Variants in PCDHA8 observed in about 807,000 individuals in gnomAD.
PCDHA8 encodes the protein protocadherin alpha-8.
In PCDHA8, 53 loss-of-function variants were observed where a neutral mutation model predicts 61.8. That is an observed-to-expected ratio of 0.86 (90% CI 0.69 to 1.08). PCDHA8 has a LOEUF of 1.08. Among genes scored for constraint, PCDHA8 ranks in the 50% least tolerant of loss-of-function variants. The pLI, the probability that PCDHA8 is intolerant of heterozygous loss-of-function variation, is 0.00. For missense variants in PCDHA8, 1,293 were observed against 1,245.0 expected, an observed-to-expected ratio of 1.04 and a Z score of -0.58; for synonymous variants, 618 against 556.6, an observed-to-expected ratio of 1.11 and a Z score of -1.55.
rs1470654104 is a variant in PCDHA8 at position 140,841,829 on chromosome 5, T to C, written c.508T>C (p.Tyr170His). 1.9e-6 allele frequency: 3 copies of C among 1,613,780 alleles called. No individual in the cohort carries two copies. Among genetic ancestry groups the C allele is most frequent in the Non-Finnish European group, 2.5e-6 (3 of 1,179,850 alleles). Residue 170 changes from tyrosine (Y) to histidine (H), a missense_variant, in exon 1 of 4, where the codon TAC (tyrosine) becomes CAC (histidine). Physicochemically the swap from Tyr to His is moderately conservative, Grantham distance 83 (BLOSUM62 2). Transcript: ENST00000531613. ...TGTTGGAGCTAACTCCGTGTTAACC[T>C]ACAGGCTTAGCTCTCATGATTACTT... The part of the protein sequence containing the change: ...ADVGANSVLT[Y>H]RLSSHDYFML...
chr5:140,841,831 C>A lies in PCDHA8; in HGVS notation c.510C>A (p.Tyr170Ter). ...TTGGAGCTAACTCCGTGTTAACCTA[C>A]AGGCTTAGCTCTCATGATTACTTCA... ...ADVGANSVLT[Y>*]RLSSHDYFML... Residue 170 changes from tyrosine to a stop codon, truncating the protein, a stop_gained, in exon 1 of 4, where the codon TAC (tyrosine) becomes TAA (stop). Transcript: ENST00000531613. LOFTEE classifies it high-confidence loss of function. 1 of 1,613,930 alleles carries A rather than the reference C, an allele frequency of 6.2e-7. No individual in the cohort carries two copies. Among genetic ancestry groups the A allele is most frequent in the Non-Finnish European group, 8.5e-7 (1 of 1,179,866 alleles).
At chr5:140,987,451 T>G (rs1481665271) in intron 3 of PCDHA8, among the ~76,000 whole-genome samples, 2 of 152,108 alleles carry the variant, frequency 1.3e-5, no homozygotes, top group African/African-American at 4.8e-5. Flanking sequence ...GCCCGAGAGA[T>G]AATTGTTAAG....
Position 140,968,978 on chromosome 5 carries a change from G to T in PCDHA8, c.2395-9971G>T, listed in dbSNP as rs782147151. ...CAAGTGCTACCGCTACACTGCGTATGGCACTGCATGCTGTGGAGGCTTCTG... is the reference window on the plus strand; with the variant it reads ...CAAGTGCTACCGCTACACTGCGTATTGCACTGCATGCTGTGGAGGCTTCTG... On this transcript the variant is annotated intron_variant, in intron 1 of 3. Coordinates refer to ENST00000531613, the MANE Select transcript of PCDHA8 (RefSeq NM_018911.3). The T allele has an allele frequency of 8.7e-6, 14 of 1,614,212 alleles. No homozygotes were observed. Among genetic ancestry groups the T allele is most frequent in the Non-Finnish European group, 1.2e-5 (14 of 1,180,042 alleles).
At position 140,877,725 on chromosome 5, in the gene PCDHA8, G is replaced by T. The variant is rs570815670; in HGVS notation, c.2394+34010G>T. On this transcript the variant is annotated intron_variant, in intron 1 of 3. Coordinates refer to ENST00000531613, the MANE Select transcript of PCDHA8 (RefSeq NM_018911.3). Reference sequence around the variant, plus strand: ...GCGCCGTGGGGAGTTGGTCTTACTCGCAGCAGAGGAGGCAGAGGGTGTGCT... The same window carrying T: ...GCGCCGTGGGGAGTTGGTCTTACTCTCAGCAGAGGAGGCAGAGGGTGTGCT... 5.6e-6 allele frequency: 9 copies of T among 1,614,124 alleles called. No individual in the cohort carries two copies. The South Asian group carries it at 8.8e-5, about 16-fold the overall frequency.
At chr5:140,877,745 T>C (rs1554170071) in intron 1 of PCDHA8, 3 of 1,614,108 alleles carry the variant, frequency 1.9e-6, no homozygotes, top group Non-Finnish European at 2.5e-6. Context: ...AGGCAGAGGG[T>C]GTGCTCTGCA....
At chr5:140,907,093 C>A (rs1303875069) in intron 1 of PCDHA8, among the ~76,000 whole-genome samples, 2 of 152,090 alleles carry the variant, frequency 1.3e-5, no homozygotes, top group Non-Finnish European at 2.9e-5. Flanking sequence ...GTAAGTGGTG[C>A]CACTTCCACT....
intron 1 of PCDHA8, among the ~76,000 whole-genome samples, chr5:140,890,167 A>G (rs1423577741): frequency 6.6e-6 from 1 of 152,174 alleles, no homozygotes; most frequent in East Asian, 1.9e-4. Context: ...CTGCCACAGA[A>G]ATAGGCAAAT....
intron 1 of PCDHA8, among the ~76,000 whole-genome samples, chr5:140,936,534 T>C (rs1327354780): frequency 1.3e-5 from 2 of 152,230 alleles, no homozygotes; most frequent in African/African-American, 2.4e-5. Context: ...TGCTTTTGAA[T>C]ATAGTGCAAT....
At chr5:140,867,166 G>T (rs773226125) in intron 1 of PCDHA8, 1 of 152,006 alleles carries the variant, frequency 6.6e-6, no homozygotes, top group Non-Finnish European at 1.5e-5. Context: ...ACCTTCTAAG[G>T]TTCATTTCCC....
intron 1 of PCDHA8, among the ~76,000 whole-genome samples, chr5:140,922,803 A>G (rs2080995467): frequency 6.6e-6 from 1 of 152,246 alleles, no homozygotes; most frequent in African/African-American, 2.4e-5. Flanking sequence ...TGGAATACAG[A>G]AAAAGGAGAT....
intron 3 of PCDHA8, among the ~76,000 whole-genome samples, chr5:140,991,017 C>G (rs1440489095): frequency 6.6e-6 from 1 of 152,178 alleles, no homozygotes; most frequent in Non-Finnish European, 1.5e-5. Context: ...GTGATAAGCA[C>G]TTTACATATG....
Position 140,843,009 on chromosome 5 carries a change from C to A in PCDHA8, c.1688C>A (p.Pro563Gln). Reference sequence around the variant, plus strand: ...GTGCTGGACGAGAATGACAACGCGCCGGCACTGCTGGAGCCTCGGGTGGGT... The same window carrying A: ...GTGCTGGACGAGAATGACAACGCGCAGGCACTGCTGGAGCCTCGGGTGGGT... ...VFVLDENDNA[P>Q]ALLEPRVGGT... Residue 563 changes from proline to glutamine, a missense_variant, in exon 1 of 4, where the codon CCG (proline) becomes CAG (glutamine). Physicochemically the swap from Pro to Gln is moderately conservative, Grantham distance 76. Transcript: ENST00000531613. 6.3e-7 allele frequency: 1 copy of A among 1,595,058 alleles called. No homozygotes were observed. Among genetic ancestry groups the A allele is most frequent in the Non-Finnish European group, 8.6e-7 (1 of 1,165,480 alleles).
intron 1 of PCDHA8, among the ~76,000 whole-genome samples, chr5:140,915,582 G>A (rs991142864): frequency 2.6e-5 from 4 of 152,056 alleles, no homozygotes; most frequent in South Asian, 4.1e-4. Flanking sequence ...CCAGGCAAAA[G>A]CACTTGTTCT....
chr5:140,892,507 C>T (rs1261497068), intron 1 of PCDHA8, among the ~76,000 whole-genome samples: 1 of 152,162 alleles, frequency 6.6e-6, no homozygotes, highest in Non-Finnish European at 1.5e-5. Context: ...TTAAGAAGTT[C>T]CACCATGACT....
At chr5:140,964,841 T>G (rs2095857355) in intron 1 of PCDHA8, among the ~76,000 whole-genome samples, 2 of 152,190 alleles carry the variant, frequency 1.3e-5, no homozygotes, top group Non-Finnish European at 2.9e-5. Context: ...CTTCCTACTC[T>G]GTACCCTTGA....
At chr5:140,906,057 C>A (rs558964545) in intron 1 of PCDHA8, among the ~76,000 whole-genome samples, 7 of 152,326 alleles carry the variant, frequency 4.6e-5, no homozygotes, top group Admixed American at 2.0e-4. Context: ...GCTGCACTGG[C>A]AGCTGATTAG....
intron 1 of PCDHA8, among the ~76,000 whole-genome samples, chr5:140,893,592 C>G (rs2064074430): frequency 6.6e-6 from 1 of 152,154 alleles, no homozygotes; most frequent in Non-Finnish European, 1.5e-5. Flanking sequence ...TTGGGAAATA[C>G]TTTATTTCTC....
At chr5:140,868,864 A>C (rs1554162257) in intron 1 of PCDHA8, 10 of 549,766 alleles carry the variant, frequency 1.8e-5, no homozygotes, top group Non-Finnish European at 1.8e-5. Context: ...TGGTAAATGC[A>C]GTGCACAGTA....
rs2150409803 is a variant in PCDHA8, at chr5:140,848,387, C to G, written c.2394+4672C>G. The G allele has an allele frequency of 1.0e-3, 1,245 of 1,223,718 alleles. 70 individuals are homozygous for G. In the African/African-American group the frequency reaches 0.017, roughly 16 times the overall value. 75.8% of individuals were successfully genotyped at this position (1,223,718 alleles called of 1,614,324 possible). On this transcript the variant is annotated intron_variant, in intron 1 of 3. Coordinates refer to ENST00000531613, the MANE Select transcript of PCDHA8 (RefSeq NM_018911.3). The stretch of plus-strand genomic sequence containing the variant: ...AAGAGGCTCAATTCTTTTTCACTCT[C>G]TCTGTGCTGAACGATGGCGAACACA...
Sources: gnomAD v4.1 joint callset for allele counts (sites outside exome capture counted in the v4.1 genomes callset) on GRCh38, gnomAD v4.1.1 for gene constraint, MANE v1.5 for transcripts, NCBI Gene and HGNC (gene_info 2026-07-23, HGNC 2026-07-21) for gene names.